PTPRD: variants seen among roughly 807,000 people sequenced by gnomAD.
PTPRD encodes protein tyrosine phosphatase receptor type D, also known as receptor-type tyrosine-protein phosphatase delta.
PTPRD carries 34 observed loss-of-function variants against 214.5 expected under a neutral mutation model. The ratio of observed to expected loss-of-function variants is 0.16; its 90% CI spans 0.12 to 0.21. PTPRD has a LOEUF of 0.21. Among genes scored for constraint, PTPRD ranks in the 10% least tolerant of loss-of-function variants. PTPRD has a pLI of 1.00. For missense variants in PTPRD, 2,545 were observed against 2,398.7 expected, an observed-to-expected ratio of 1.06 and a Z score of -1.27; for synonymous variants, 1,128 against 845.7, an observed-to-expected ratio of 1.33 and a Z score of -5.79.
chr9:9,864,997 T>C (rs1222163675), intron 5 of PTPRD, among the ~76,000 whole-genome samples: 1 of 152,002 alleles, frequency 6.6e-6, no homozygotes, highest in Non-Finnish European at 1.5e-5. Flanking sequence ...AGATTATCTC[T>C]ATATTAAAAC....
chr9:8,947,146 T>C (rs940071405), intron 11 of PTPRD, among the ~76,000 whole-genome samples: 1 of 151,736 alleles, frequency 6.6e-6, no homozygotes, highest in African/African-American at 2.4e-5. Flanking sequence ...CTAATTTCAA[T>C]GCAGCTTTAT....
chr9:10,203,169 C>CTTTTTTT (rs60069193), intron 3 of PTPRD, among the ~76,000 whole-genome samples: 1 of 119,920 alleles, frequency 8.3e-6, no homozygotes, highest in African/African-American at 3.1e-5. Flanking sequence ...CCCTCTCTCT[C>CTTTTTTT]TTTTTTTTTT....
intron 6 of PTPRD, among the ~76,000 whole-genome samples, chr9:9,752,441 T>A (rs1409777588): frequency 6.6e-6 from 1 of 152,072 alleles, no homozygotes; most frequent in South Asian, 2.1e-4. Flanking sequence ...AGGTTTATTA[T>A]AACAGTTTAC....
intron 11 of PTPRD, among the ~76,000 whole-genome samples, chr9:8,914,086 C>T (rs1230509388): frequency 6.6e-6 from 1 of 152,060 alleles, no homozygotes; most frequent in Admixed American, 6.6e-5. Context: ...AGTCAGTGCT[C>T]TGAAGAAAAG....
intron 10 of PTPRD, among the ~76,000 whole-genome samples, chr9:9,020,471 G>C (rs1176420967): frequency 6.6e-6 from 1 of 152,100 alleles, no homozygotes; most frequent in African/African-American, 2.4e-5. Flanking sequence ...GATATAGTTA[G>C]AAGGTACAAA....
Position 9,503,952 on chromosome 9 carries a change from T to G in PTPRD, c.-237+70780A>C, listed in dbSNP as rs1000079159. Among the ~76,000 whole-genome samples the G allele has an allele frequency of 4.6e-5, 7 of 151,830 alleles. No homozygotes were observed. The East Asian group carries it at 1.2e-3, about 25-fold the overall frequency. On this transcript the variant is annotated intron_variant, in intron 8 of 45. Coordinates refer to ENST00000381196, the MANE Select transcript of PTPRD (RefSeq NM_002839.4). ...GAATGGTGCCACTTTTGTTATCCAT[T>G]ATTTTATCCAAAGACAATAATCTCA...
At chr9:8,357,595 G>A (rs2077292478) in intron 39 of PTPRD, among the ~76,000 whole-genome samples, 3 of 152,180 alleles carry the variant, frequency 2.0e-5, no homozygotes, top group Admixed American at 2.0e-4. Flanking sequence ...GAGCAGGGAA[G>A]AACAAACTGC....
chr9:9,197,743 T>A (rs980291896), intron 9 of PTPRD, among the ~76,000 whole-genome samples: 1 of 152,204 alleles, frequency 6.6e-6, no homozygotes, highest in Non-Finnish European at 1.5e-5. Flanking sequence ...AATCTTCCAG[T>A]CTACTCTGGC....
chr9:8,511,586 G>A (rs2097683748), intron 21 of PTPRD, among the ~76,000 whole-genome samples: 1 of 151,842 alleles, frequency 6.6e-6, no homozygotes, highest in African/African-American at 2.4e-5. Context: ...GGAAAATCAT[G>A]GGCAAATAAA....
chr9:8,402,119 C>T (rs762738163), intron 36 of PTPRD, among the ~76,000 whole-genome samples: 7 of 152,128 alleles, frequency 4.6e-5, no homozygotes, highest in Non-Finnish European at 8.8e-5. Context: ...AGATAAAATG[C>T]TGTTCACGGT....
intron 9 of PTPRD, among the ~76,000 whole-genome samples, chr9:9,390,520 G>T (rs1488697127): frequency 6.6e-6 from 1 of 152,040 alleles, no homozygotes; most frequent in Non-Finnish European, 1.5e-5. Context: ...AACAATAAAA[G>T]ATAAGAGAGT....
chr9:8,526,771 T>A, intron 16 of PTPRD, 127 bp from the exon 17 acceptor site: 1 of 660,206 alleles, frequency 1.5e-6, no homozygotes, highest in Non-Finnish European at 2.4e-6. Context: ...TAAAAGAAAC[T>A]TGAATTACTA....
rs149063515 is a variant in PTPRD, at chr9:10,234,332, G to A, written c.-545+106631C>T. Among the ~76,000 whole-genome samples the A allele has an allele frequency of 1.1e-4, 17 of 151,780 alleles. No individual in the cohort carries two copies. The East Asian group carries it at 2.3e-3, about 21-fold the overall frequency. On this transcript the variant is annotated intron_variant, in intron 3 of 45. Transcript: ENST00000381196. ...ATTAAGAAGACTAACAGAGATCTGCGGAACACATATTTTGTAAATTGATGG... is the reference window on the plus strand; with the variant it reads ...ATTAAGAAGACTAACAGAGATCTGCAGAACACATATTTTGTAAATTGATGG...
intron 11 of PTPRD, among the ~76,000 whole-genome samples, chr9:9,008,099 G>T (rs2154360179): frequency 6.8e-6 from 1 of 147,830 alleles, no homozygotes; most frequent in South Asian, 2.2e-4. Flanking sequence ...CAAGATGGCG[G>T]CTTTTCATGT....
At chr9:9,160,908 G>C (rs112537624) in intron 10 of PTPRD, among the ~76,000 whole-genome samples, 3 of 152,178 alleles carry the variant, frequency 2.0e-5, no homozygotes, top group African/African-American at 4.8e-5. Context: ...ATTATGCTAA[G>C]TGAAATAAAC....
At chr9:10,032,527 C>G (rs1367775022) in intron 4 of PTPRD, among the ~76,000 whole-genome samples, 1 of 152,154 alleles carries the variant, frequency 6.6e-6, no homozygotes, top group Non-Finnish European at 1.5e-5. Flanking sequence ...TCCCTGGGGA[C>G]TCTTCTATGT....
At chr9:9,275,075 TATATATAATATATATGTTATATATATA>T in intron 9 of PTPRD, among the ~76,000 whole-genome samples, 1 of 76,860 alleles carries the variant, frequency 1.3e-5, no homozygotes, top group East Asian at 3.4e-4. Flanking sequence ...ATTATATATA[TATATATAATATATATGTTATATATATA>T]ATATATTATA....
intron 8 of PTPRD, among the ~76,000 whole-genome samples, chr9:9,531,776 A>C (rs936615912): frequency 6.6e-6 from 1 of 152,096 alleles, no homozygotes; most frequent in Non-Finnish European, 1.5e-5. Flanking sequence ...TCTTGGGAGC[A>C]GGATTGCTGG....
intron 11 of PTPRD, among the ~76,000 whole-genome samples, chr9:8,830,551 A>C (rs2097266698): frequency 6.6e-6 from 1 of 152,100 alleles, no homozygotes; most frequent in Non-Finnish European, 1.5e-5. Context: ...CTCTGTGACC[A>C]AACAGAAAAG....
Sources: gnomAD v4.1 joint callset for allele counts (sites outside exome capture counted in the v4.1 genomes callset) on GRCh38, gnomAD v4.1.1 for gene constraint, MANE v1.5 for transcripts, NCBI Gene and HGNC (gene_info 2026-07-23, HGNC 2026-07-21) for gene names.